Variants in ZCCHC2 observed in about 807,000 individuals in gnomAD.
ZCCHC2 encodes the protein zinc finger CCHC domain-containing protein 2.
A neutral mutation model predicts 103.6 loss-of-function variants in ZCCHC2; 39 were observed. The ratio of observed to expected loss-of-function variants is 0.38; its 90% CI spans 0.29 to 0.49. The LOEUF (loss-of-function observed/expected upper bound fraction) is 0.49, where lower values mean the gene tolerates loss of function less well. ZCCHC2 is among the 20% of genes least tolerant of loss of function. The pLI is 0.96. For missense variants in ZCCHC2, 1,483 were observed against 1,491.0 expected (o/e 0.99, Z 0.09); for synonymous variants, 687 against 608.9 (o/e 1.13, Z -1.89).
At chr18:62,527,729 A>G (rs1914497420) in intron 1 of ZCCHC2, among the ~76,000 whole-genome samples, 3 of 152,292 alleles carry the variant, frequency 2.0e-5, no homozygotes, top group Non-Finnish European at 2.9e-5. Flanking sequence ...GATTGTTACA[A>G]TCCTGTGTTA....
downstream of ZCCHC2, chr18:62,578,636 A>G (rs1287534850): frequency 2.6e-5 from 4 of 152,602 alleles, no homozygotes; most frequent in African/African-American, 4.8e-5. Flanking sequence ...GACATCATAC[A>G]TGGCGATTTT....
exon 15 of ZCCHC2, chr18:62,586,272 A>T (rs1917168559): frequency 6.6e-6 from 1 of 151,864 alleles, no homozygotes; most frequent in Non-Finnish European, 1.5e-5. Flanking sequence ...TTTCTGATTG[A>T]ACTGATTTGA....
chr18:62,528,004 G>A (rs531542949), intron 1 of ZCCHC2, among the ~76,000 whole-genome samples: 5 of 152,252 alleles, frequency 3.3e-5, no homozygotes, highest in African/African-American at 1.2e-4. Context: ...CCCAACTAGC[G>A]ACACAAAGGT....
At chr18:62,567,955 A>AAAAAAAAAAAAAAAAAAAAAAAAG (rs1568555841) in intron 11 of ZCCHC2, among the ~76,000 whole-genome samples, 7 of 150,162 alleles carry the variant, frequency 4.7e-5, no homozygotes, top group African/African-American at 1.2e-4. Context: ...AAAAAAAAAA[A>AAAAAAAAAAAAAAAAAAAAAAAAG]AAAAGAATGC....
In ZCCHC2 at chr18:62,568,558, C is replaced by G. The variant is rs188379389; in HGVS notation, c.1847-1545C>G. ...TGATTAGAATATTCACCAGCTTGCA[C>G]AGTGTAAAGAAAATAGTTTTGTAAA... is the stretch of plus-strand genomic sequence containing the variant. On this transcript the variant is annotated intron_variant, in intron 11 of 13. Coordinates refer to ENST00000269499, the MANE Select transcript of ZCCHC2 (RefSeq NM_017742.6). 5.3e-5 allele frequency among the ~76,000 whole-genome samples: 8 copies of G among 152,320 alleles called. No homozygotes were observed. The East Asian group carries it at 1.2e-3, about 22-fold the overall frequency.
intron 1 of ZCCHC2, among the ~76,000 whole-genome samples, chr18:62,536,498 T>TG (rs1179250518): frequency 6.6e-6 from 1 of 152,210 alleles, no homozygotes; most frequent in Admixed American, 6.5e-5. Flanking sequence ...ACAGATAAAG[T>TG]GGGTGCCATT....
intron 7 of ZCCHC2, among the ~76,000 whole-genome samples, chr18:62,559,467 A>G (rs1208623671): frequency 6.6e-6 from 1 of 152,256 alleles, no homozygotes; most frequent in Admixed American, 6.5e-5. Flanking sequence ...CAGATTGACA[A>G]AACATTTTGG....
chr18:62,553,669 G>T (rs980862408), intron 5 of ZCCHC2, among the ~76,000 whole-genome samples: 1 of 152,112 alleles, frequency 6.6e-6, no homozygotes, highest in Non-Finnish European at 1.5e-5. Context: ...AAAGGTAGCA[G>T]CACTTTATGT....
chr18:62,525,326 C>T (rs558505815), intron 1 of ZCCHC2: 2 of 110,398 alleles, frequency 1.8e-5, no homozygotes, highest in African/African-American at 8.5e-5. Flanking sequence ...TTGAGGAGGA[C>T]TTTTCCATGG....
In ZCCHC2 at chr18:62,524,054, C is replaced by A; in HGVS notation, c.630C>A (p.Gly210=). 6.8e-7 allele frequency: 1 copy of A among 1,476,022 alleles called. No homozygotes were observed. The highest frequency in any genetic ancestry group is 1.4e-5 in the South Asian group (1 of 73,758). 91.4% of individuals were successfully genotyped at this position (1,476,022 alleles called of 1,614,324 possible). A position where few individuals can be genotyped will look rare whatever the true frequency, so the allele number is the denominator to read the frequency against. ...TCAAAAGCCTGCGCGCGGCCCGGGG[C>A]GAGGGCTCGCGGGGCGGCGCGGAGG... ...SVLKSLRAAR[G]EGSRGGAEDE... Residue 210 remains glycine, a synonymous_variant, in exon 1 of 14, where the codon GGC becomes GGA. Transcript: ENST00000269499.
At chr18:62,528,967 C>G (rs1401918932) in intron 1 of ZCCHC2, among the ~76,000 whole-genome samples, 1 of 152,038 alleles carries the variant, frequency 6.6e-6, no homozygotes, top group Non-Finnish European at 1.5e-5. Flanking sequence ...AGAGACCAGC[C>G]TGACCAACGA....
Position 62,574,523 on chromosome 18 carries a change from G to A in ZCCHC2, c.2442G>A (p.Arg814=). 1 of 1,613,924 alleles carries A rather than the reference G, an allele frequency of 6.2e-7. No individual in the cohort carries two copies. The highest frequency in any genetic ancestry group is 8.5e-7 in the Non-Finnish European group (1 of 1,179,894). ...STPALHLTVQ[R]LKLPPPQGSS... Reference sequence around the variant, plus strand: ...CCGCTTTGCATCTTACAGTTCAGAGGCTAAAGTTGCCACCACCACAGGGAT... The same window carrying A: ...CCGCTTTGCATCTTACAGTTCAGAGACTAAAGTTGCCACCACCACAGGGAT... Residue 814 remains arginine, a synonymous_variant, in exon 13 of 14, where the codon AGG becomes AGA. Coordinates refer to ENST00000269499, the MANE Select transcript of ZCCHC2 (RefSeq NM_017742.6).
At chr18:62,559,039 T>A (rs1916009215) in intron 7 of ZCCHC2, among the ~76,000 whole-genome samples, 1 of 152,200 alleles carries the variant, frequency 6.6e-6, no homozygotes, top group Non-Finnish European at 1.5e-5. Context: ...ATAATTAGAT[T>A]CCCAGTTACA....
chr18:62,564,678 T>C (rs1301514946), intron 10 of ZCCHC2, 43 bp downstream of exon 10: 3 of 1,355,838 alleles, frequency 2.2e-6, no homozygotes, highest in Non-Finnish European at 3.0e-6. Context: ...CCTTTGATAA[T>C]AGGCCTGTTT....
intron 1 of ZCCHC2, among the ~76,000 whole-genome samples, chr18:62,537,443 T>C (rs1914977812): frequency 6.6e-6 from 1 of 152,234 alleles, no homozygotes; most frequent in African/African-American, 2.4e-5. Context: ...AGTGCTGGGA[T>C]TGCAGGCGTG....
intron 11 of ZCCHC2, among the ~76,000 whole-genome samples, chr18:62,566,106 G>T (rs778530806): frequency 6.6e-6 from 1 of 152,206 alleles, no homozygotes; most frequent in South Asian, 2.1e-4. Flanking sequence ...TTAGCCAGGC[G>T]TGGTGGCACA....
At chr18:62,567,072 A>T (rs116010599) in intron 11 of ZCCHC2, among the ~76,000 whole-genome samples, 1 of 152,172 alleles carries the variant, frequency 6.6e-6, no homozygotes, top group Non-Finnish European at 1.5e-5. Context: ...ACCGATTTGT[A>T]TGTATTTACA....
intron 5 of ZCCHC2, among the ~76,000 whole-genome samples, chr18:62,555,574 C>T (rs766302511): frequency 3.9e-5 from 6 of 152,068 alleles, no homozygotes; most frequent in African/African-American, 9.7e-5. Context: ...TTTGAGAGGC[C>T]GAGGTGGGCA....
intron 1 of ZCCHC2, chr18:62,525,218 G>C (rs1256205620): frequency 6.6e-6 from 1 of 152,208 alleles, no homozygotes; most frequent in Non-Finnish European, 1.5e-5. Flanking sequence ...AAATGTAGTA[G>C]ACGAGAATCC....
Sources: gnomAD v4.1 joint callset for allele counts (sites outside exome capture counted in the v4.1 genomes callset) on GRCh38, gnomAD v4.1.1 for gene constraint, MANE v1.5 for transcripts, NCBI Gene and HGNC (gene_info 2026-07-23, HGNC 2026-07-21) for gene names.